The following DLG2 variants were observed in gnomAD, a reference collection of about 807,000 sequenced individuals.
DLG2 encodes the protein disks large homolog 2.
In DLG2, 45 loss-of-function variants were observed where a neutral mutation model predicts 132.5. The observed-to-expected ratio is 0.34, with a 90% CI of 0.27 to 0.44. DLG2 has a LOEUF of 0.44. DLG2 is among the 20% of genes least tolerant of loss of function. The probability of loss-of-function intolerance (pLI) is 1.00; values close to 1 mark genes in which losing one functional copy is unlikely to be tolerated. For missense variants in DLG2, 1,045 were observed against 1,196.9 expected, an observed-to-expected ratio of 0.87 and a Z score of 1.87; for synonymous variants, 424 against 419.6, an observed-to-expected ratio of 1.01 and a Z score of -0.13.
chr11:83,692,174 C>A (rs1180498089), intron 18 of DLG2: 2 of 152,140 alleles, frequency 1.3e-5, no homozygotes, highest in Non-Finnish European at 2.9e-5. Flanking sequence ...AGTTTGTTGC[C>A]ATAATAGTCA....
At chr11:84,733,704 T>A (rs1190043054) in intron 6 of DLG2, among the ~76,000 whole-genome samples, 1 of 152,210 alleles carries the variant, frequency 6.6e-6, no homozygotes, top group Non-Finnish European at 1.5e-5. Context: ...AGACATGAAG[T>A]CCTTGCCCAT....
intron 11 of DLG2, among the ~76,000 whole-genome samples, chr11:83,990,942 A>G (rs2093674929): frequency 6.6e-6 from 1 of 152,124 alleles, no homozygotes; most frequent in South Asian, 2.1e-4. Flanking sequence ...ACCCACCCTC[A>G]CAGGCAACTT....
intron 12 of DLG2, among the ~76,000 whole-genome samples, chr11:83,977,771 C>T (rs2092405240): frequency 6.6e-6 from 1 of 152,070 alleles, no homozygotes. Flanking sequence ...CACCCTAACT[C>T]GACTGTCACT....
chr11:84,111,408 T>A (rs752532363), intron 9 of DLG2, among the ~76,000 whole-genome samples: 21 of 151,720 alleles, frequency 1.4e-4, no homozygotes. Flanking sequence ...CTATTCACAC[T>A]GTGTCTCTCT....
intron 19 of DLG2, among the ~76,000 whole-genome samples, chr11:83,585,037 G>C (rs150605379): frequency 6.6e-6 from 1 of 152,122 alleles, no homozygotes; most frequent in Admixed American, 6.5e-5. Flanking sequence ...TCTGTAAAGT[G>C]ACCTCCCTAC....
rs889518434 is a variant in DLG2, at chr11:85,201,392, G to A, written c.187-46741C>T. Among the ~76,000 whole-genome samples the A allele has an allele frequency of 2.8e-4, 42 of 152,230 alleles. 1 individual carries two copies. Among genetic ancestry groups the A allele is most frequent in the African/African-American group, 9.1e-4 (38 of 41,540 alleles). ...ATGCTGCCTGTGCTGGAGCCTACATGTAGACCACCAAGACAGTCTTCTATA... is the reference window on the plus strand; with the variant it reads ...ATGCTGCCTGTGCTGGAGCCTACATATAGACCACCAAGACAGTCTTCTATA... On this transcript the variant is annotated intron_variant, in intron 4 of 27. Coordinates refer to ENST00000376104, the MANE Select transcript of DLG2 (RefSeq NM_001142699.3).
intron 16 of DLG2, among the ~76,000 whole-genome samples, chr11:83,862,094 A>G (rs536662253): frequency 5.3e-5 from 8 of 152,360 alleles, no homozygotes; most frequent in African/African-American, 1.9e-4. Context: ...TACTAGGTAT[A>G]TATCCAAAAG....
At chr11:84,748,701 AG>A (rs1270393081) in intron 6 of DLG2, among the ~76,000 whole-genome samples, 3 of 152,208 alleles carry the variant, frequency 2.0e-5, no homozygotes, top group African/African-American at 7.2e-5. Flanking sequence ...AGAGAAGTAA[AG>A]GTTACGCGGA....
chr11:84,751,918 C>A (rs542291633), intron 6 of DLG2, among the ~76,000 whole-genome samples: 1 of 152,230 alleles, frequency 6.6e-6, no homozygotes, highest in Non-Finnish European at 1.5e-5. Flanking sequence ...ATAGAGGATG[C>A]AGTAGCTCTC....
At chr11:84,959,916 C>T (rs1198902897) in intron 6 of DLG2, among the ~76,000 whole-genome samples, 1 of 152,042 alleles carries the variant, frequency 6.6e-6, no homozygotes, top group Non-Finnish European at 1.5e-5. Flanking sequence ...TAAGTAAAGG[C>T]TTAGAAATTA....
intron 6 of DLG2, among the ~76,000 whole-genome samples, chr11:84,569,802 C>T (rs1006244615): frequency 6.6e-6 from 1 of 152,110 alleles, no homozygotes; most frequent in Non-Finnish European, 1.5e-5. Context: ...TATGGGAGAA[C>T]AAAAAGAAAG....
At chr11:84,818,060 A>T (rs10501573) in intron 6 of DLG2, among the ~76,000 whole-genome samples, 17,749 of 152,040 alleles carry the variant, frequency 0.12, 1,259 homozygotes, top group African/African-American at 0.19. Context: ...TCTTCCTAAC[A>T]ATCTTAACTG....
chr11:85,420,415 G>T (rs1291090991), intron 3 of DLG2, among the ~76,000 whole-genome samples: 1 of 152,108 alleles, frequency 6.6e-6, no homozygotes, highest in Admixed American at 6.6e-5. Flanking sequence ...TGGGGGTCAG[G>T]GACCCACTCG....
At chr11:84,667,484 GTT>G (rs1565607239) in intron 6 of DLG2, among the ~76,000 whole-genome samples, 3 of 38,876 alleles carry the variant, frequency 7.7e-5, no homozygotes, top group African/African-American at 9.0e-5. Context: ...TTTTGTTTTT[GTT>G]TTTTGTTTTT....
At chr11:84,502,132 T>G (rs1229340959) in intron 7 of DLG2, among the ~76,000 whole-genome samples, 1 of 138,914 alleles carries the variant, frequency 7.2e-6, no homozygotes, top group Non-Finnish European at 1.6e-5. Context: ...CTTTCTCTCT[T>G]TCTCCTTTCT....
intron 5 of DLG2, among the ~76,000 whole-genome samples, chr11:85,138,398 G>A (rs2076255707): frequency 6.6e-6 from 1 of 152,084 alleles, no homozygotes; most frequent in Admixed American, 6.6e-5. Context: ...TGGGTTGAGT[G>A]GATTCCAGAA....
chr11:84,397,035 C>T (rs1304536030), intron 7 of DLG2, among the ~76,000 whole-genome samples: 1 of 152,168 alleles, frequency 6.6e-6, no homozygotes, highest in Non-Finnish European at 1.5e-5. Context: ...TTATTGAATA[C>T]TCCCTATGCA....
At chr11:84,420,860 G>C (rs2098948146) in intron 7 of DLG2, among the ~76,000 whole-genome samples, 1 of 150,750 alleles carries the variant, frequency 6.6e-6, no homozygotes, top group Admixed American at 6.6e-5. Context: ...AGTAGAGACG[G>C]GGTTTCACCG....
At chr11:84,975,583 C>G (rs992945284) in intron 6 of DLG2, among the ~76,000 whole-genome samples, 11 of 152,098 alleles carry the variant, frequency 7.2e-5, no homozygotes, top group African/African-American at 1.9e-4. Flanking sequence ...CACATCTGCC[C>G]CAAACTGTCT....
Sources: allele counts gnomAD v4.1 joint callset (sites outside exome capture counted in the v4.1 genomes callset), GRCh38; gene constraint gnomAD v4.1.1; transcripts MANE v1.5; gene names NCBI Gene and HGNC (gene_info 2026-07-23, HGNC 2026-07-21).